PRELID2: variants seen among roughly 807,000 people sequenced by gnomAD.
PRELID2 encodes PRELI domain containing 2.
In PRELID2, 25 loss-of-function variants were observed where a neutral mutation model predicts 28.4. That is an observed-to-expected ratio of 0.88 (90% CI 0.64 to 1.23). The LOEUF (loss-of-function observed/expected upper bound fraction) is 1.23. PRELID2 is among the 50% of genes most tolerant of loss of function. The probability of loss-of-function intolerance (pLI) is 0.00; values close to 1 mark genes in which losing one functional copy is unlikely to be tolerated. For synonymous variants in PRELID2, 76 were observed against 71.6 expected, an observed-to-expected ratio of 1.06 and a Z score of -0.31; for missense variants, 201 against 214.4, an observed-to-expected ratio of 0.94 and a Z score of 0.39.
intron 1 of PRELID2, among the ~76,000 whole-genome samples, chr5:145,585,772 T>C (rs1000296859): frequency 6.6e-6 from 1 of 152,116 alleles, no homozygotes; most frequent in African/African-American, 2.4e-5. Flanking sequence ...CCTGCTTATT[T>C]GCATTCTAGT....
the PRELID2 span, among the ~76,000 whole-genome samples, chr5:145,334,979 T>A: frequency 6.6e-6 from 1 of 152,148 alleles, no homozygotes; most frequent in Non-Finnish European, 1.5e-5. Context: ...TGGGGACCTT[T>A]GAGGTATATA....
At chr5:145,762,025 T>A (rs1757500140) in intron 6 of PRELID2, among the ~76,000 whole-genome samples, 1 of 152,224 alleles carries the variant, frequency 6.6e-6, no homozygotes, top group Non-Finnish European at 1.5e-5. Flanking sequence ...CGATGCAACA[T>A]CAAATTGTAG....
At chr5:145,559,454 A>T (rs1388665877) in intron 1 of PRELID2, among the ~76,000 whole-genome samples, 1 of 152,224 alleles carries the variant, frequency 6.6e-6, no homozygotes, top group Non-Finnish European at 1.5e-5. Flanking sequence ...TCAAAAATAC[A>T]TAATGTAGTC....
chr5:145,485,715 G>A (rs1346408590), intron 1 of PRELID2, among the ~76,000 whole-genome samples: 1 of 152,158 alleles, frequency 6.6e-6, no homozygotes, highest in African/African-American at 2.4e-5. Flanking sequence ...CAGCACCTGA[G>A]TCGTCAGGTA....
At position 145,817,212 on chromosome 5, in the gene PRELID2, T is replaced by G. The variant is rs866709417; in HGVS notation, c.368+682A>C. ...TTTCAAAAAAAAATAAATAAATAAA[T>G]AAAAAAAAATATATATATATATATA... On this transcript the variant is annotated intron_variant, in intron 4 of 6. Coordinates refer to ENST00000683046, the MANE Select transcript of PRELID2 (RefSeq NM_205846.3). Among the ~76,000 whole-genome samples the G allele has an allele frequency of 2.7e-5, 2 of 72,838 alleles. 1 individual carries two copies. The highest frequency in any genetic ancestry group is 6.4e-5 in the Non-Finnish European group (2 of 31,418). The allele number at this position is 72,838 out of a possible 152,430, so 47.8% of individuals were successfully genotyped here. A position where few individuals can be genotyped will look rare whatever the true frequency, so the allele number is the denominator to read the frequency against.
intron 1 of PRELID2, among the ~76,000 whole-genome samples, chr5:145,742,925 A>G (rs1015392919): frequency 1.3e-5 from 2 of 152,162 alleles, no homozygotes; most frequent in African/African-American, 4.8e-5. Context: ...ACCAGGCAGG[A>G]TAATAAGGAA....
intron 1 of PRELID2, among the ~76,000 whole-genome samples, chr5:145,662,100 T>C (rs1291228394): frequency 6.6e-6 from 1 of 152,018 alleles, no homozygotes; most frequent in Non-Finnish European, 1.5e-5. Flanking sequence ...CTTGTCTAGA[T>C]CAATAGCCCA....
At chr5:145,594,544 T>C (rs1425471289) in intron 1 of PRELID2, among the ~76,000 whole-genome samples, 3 of 152,200 alleles carry the variant, frequency 2.0e-5, no homozygotes, top group East Asian at 3.8e-4. Flanking sequence ...TTCATTGATG[T>C]ATGCATGAAG....
the PRELID2 span, among the ~76,000 whole-genome samples, chr5:145,411,953 C>T: frequency 1.3e-5 from 2 of 152,162 alleles, no homozygotes; most frequent in East Asian, 1.9e-4. Context: ...GTACCTTGGC[C>T]CCTTTTAGCC....
chr5:145,566,029 C>G (rs1752964610), intron 1 of PRELID2, among the ~76,000 whole-genome samples: 1 of 152,230 alleles, frequency 6.6e-6, no homozygotes, highest in Non-Finnish European at 1.5e-5. Flanking sequence ...AAGTGGATTA[C>G]TCCTCTGGGG....
At chr5:145,489,834 C>T (rs1484215739) in intron 1 of PRELID2, among the ~76,000 whole-genome samples, 1 of 152,182 alleles carries the variant, frequency 6.6e-6, no homozygotes, top group Non-Finnish European at 1.5e-5. Flanking sequence ...ACTTTGCTCT[C>T]TGTCGTTAGC....
At chr5:145,771,796 G>A (rs957385559) in intron 5 of PRELID2, among the ~76,000 whole-genome samples, 6 of 151,832 alleles carry the variant, frequency 4.0e-5, no homozygotes, top group Admixed American at 6.6e-5. Flanking sequence ...CGAAGATTGC[G>A]GTGAGCCGAG....
chr5:145,630,340 T>G (rs1753915355), intron 1 of PRELID2, among the ~76,000 whole-genome samples: 2 of 152,160 alleles, frequency 1.3e-5, no homozygotes, highest in South Asian at 4.1e-4. Flanking sequence ...ACTGGGTGAC[T>G]GGAAAAAGTG....
chr5:145,743,370 CA>C (rs1326387006), intron 1 of PRELID2, among the ~76,000 whole-genome samples: 1 of 141,162 alleles, frequency 7.1e-6, no homozygotes, highest in Non-Finnish European at 1.5e-5. Flanking sequence ...AAGATTGCAC[CA>C]TTGTACTCCA....
intron 1 of PRELID2, among the ~76,000 whole-genome samples, chr5:145,508,291 G>A (rs1752429821): frequency 6.6e-6 from 1 of 151,188 alleles, no homozygotes; most frequent in Non-Finnish European, 1.5e-5. Context: ...TAGATAGATA[G>A]ATAGATTAAA....
At chr5:145,335,385 G>A in the PRELID2 span, among the ~76,000 whole-genome samples, 2 of 151,522 alleles carry the variant, frequency 1.3e-5, no homozygotes, top group African/African-American at 4.8e-5. Flanking sequence ...TTATTGAGTT[G>A]TCTATTTGTG....
At chr5:145,728,230 A>G (rs1221923759) in intron 1 of PRELID2, 1 of 216,372 alleles carries the variant, frequency 4.6e-6, no homozygotes, top group Non-Finnish European at 9.2e-6. Context: ...CACTGACCTT[A>G]TATTGTTAGT....
At chr5:145,512,807 T>C (rs1291502097) in intron 1 of PRELID2, among the ~76,000 whole-genome samples, 1 of 152,200 alleles carries the variant, frequency 6.6e-6, no homozygotes, top group Non-Finnish European at 1.5e-5. Context: ...CAAACTTTGC[T>C]GTTCTGCAGC....
chr5:145,547,258 G>C (rs1167105284), intron 1 of PRELID2, among the ~76,000 whole-genome samples: 2 of 151,966 alleles, frequency 1.3e-5, no homozygotes, highest in African/African-American at 4.8e-5. Context: ...GTCCACCCAG[G>C]GACAGTGGCA....
Sources: gnomAD v4.1 joint callset for allele counts (sites outside exome capture counted in the v4.1 genomes callset) on GRCh38, gnomAD v4.1.1 for gene constraint, MANE v1.5 for transcripts, NCBI Gene and HGNC (gene_info 2026-07-23, HGNC 2026-07-21) for gene names.